SFI1: variants seen among roughly 807,000 people sequenced by gnomAD.
SFI1 encodes protein SFI1 homolog.
Under a neutral mutation model 207.5 loss-of-function variants are expected in SFI1, and 195 were observed. That is an observed-to-expected ratio of 0.94 (90% CI 0.84 to 1.06). The LOEUF (loss-of-function observed/expected upper bound fraction) is 1.06, where lower values mean the gene tolerates loss of function less well. SFI1 is among the 50% of genes least tolerant of loss of function. The probability of loss-of-function intolerance (pLI) is 0.00; values close to 1 mark genes in which losing one functional copy is unlikely to be tolerated. For missense variants in SFI1, 1,634 were observed against 1,588.0 expected (o/e 1.03, Z -0.49); for synonymous variants, 630 against 598.9 (o/e 1.05, Z -0.76).
intron 6 of SFI1, 39 bp from the exon 7 acceptor site, chr22:31,556,903 C>T: frequency 1.4e-6 from 2 of 1,406,428 alleles, no homozygotes; most frequent in South Asian, 2.5e-5. Flanking sequence ...TAATCCATCT[C>T]TCCCCATGCC....
chr22:31,566,090 G>T (rs12170867), intron 8 of SFI1, among the ~76,000 whole-genome samples: 1 of 151,392 alleles, frequency 6.6e-6, no homozygotes, highest in Non-Finnish European at 1.5e-5. Flanking sequence ...TTAGAATTAC[G>T]AACAGTACTA....
intron 2 of SFI1, among the ~76,000 whole-genome samples, chr22:31,510,126 C>T (rs954479890): frequency 2.6e-5 from 4 of 151,458 alleles, no homozygotes; most frequent in African/African-American, 7.3e-5. Context: ...CGATAGTGCT[C>T]GGCCTATTAT....
intron 2 of SFI1, among the ~76,000 whole-genome samples, chr22:31,520,372 A>G (rs1380695728): frequency 6.6e-6 from 1 of 152,092 alleles, no homozygotes; most frequent in Non-Finnish European, 1.5e-5. Context: ...TTTTTTGAGC[A>G]GGATTATAAG....
chr22:31,608,345 T>C (rs1418621424), intron 22 of SFI1, among the ~76,000 whole-genome samples: 1 of 152,150 alleles, frequency 6.6e-6, no homozygotes, highest in African/African-American at 2.4e-5. Flanking sequence ...GACCCATTGC[T>C]CCAGTCTTTG....
At chr22:31,543,507 G>A (rs2059777911) in intron 4 of SFI1, among the ~76,000 whole-genome samples, 1 of 152,084 alleles carries the variant, frequency 6.6e-6, no homozygotes, top group South Asian at 2.1e-4. Flanking sequence ...TTGTAAGCTA[G>A]TTTTTAAAAA....
At chr22:31,531,034 A>G (rs2058467983) in intron 3 of SFI1, 24 bp from the exon 4 acceptor site, 2 of 1,597,098 alleles carry the variant, frequency 1.3e-6, no homozygotes, top group Non-Finnish European at 1.7e-6. Flanking sequence ...TAAAATATGT[A>G]TATGCTTTTT....
chr22:31,599,549 C>T (rs909831693), intron 15 of SFI1, among the ~76,000 whole-genome samples: 1 of 152,182 alleles, frequency 6.6e-6, no homozygotes, highest in African/African-American at 2.4e-5. Flanking sequence ...CCAGGATGGT[C>T]TCCATCTCTT....
At chr22:31,550,930 A>G (rs2060568348) in intron 6 of SFI1, among the ~76,000 whole-genome samples, 2 of 152,156 alleles carry the variant, frequency 1.3e-5, no homozygotes, top group Admixed American at 6.6e-5. Flanking sequence ...ACAACCTGTC[A>G]ACTCCCCTAC....
chr22:31,531,965 G>C (rs1188769548), intron 4 of SFI1, among the ~76,000 whole-genome samples: 3 of 152,026 alleles, frequency 2.0e-5, no homozygotes, highest in African/African-American at 7.2e-5. Flanking sequence ...GGAGGCTGAG[G>C]CAGGAGAACC....
chr22:31,599,284 T>G (rs1266492817), intron 15 of SFI1, among the ~76,000 whole-genome samples: 1 of 151,896 alleles, frequency 6.6e-6, no homozygotes, highest in Non-Finnish European at 1.5e-5. Context: ...AAGGTTTATT[T>G]TTTTCTGTGT....
intron 2 of SFI1, among the ~76,000 whole-genome samples, chr22:31,509,730 G>A (rs996898602): frequency 2.0e-5 from 3 of 152,100 alleles, no homozygotes; most frequent in Non-Finnish European, 2.9e-5. Flanking sequence ...GTTTTTATAC[G>A]TTGTTGGATT....
chr22:31,612,398 A>AAAAAAAAAAAAT (rs1556369798), intron 24 of SFI1: 1 of 60,194 alleles, frequency 1.7e-5, no homozygotes, highest in African/African-American at 6.7e-5. Flanking sequence ...AAAAAAAAAA[A>AAAAAAAAAAAAT]ATATATATAT....
chr22:31,590,216 T>C (rs2065665436), intron 15 of SFI1, among the ~76,000 whole-genome samples: 1 of 151,318 alleles, frequency 6.6e-6, no homozygotes, highest in Admixed American at 6.6e-5. Context: ...AATGCTTGTC[T>C]CATCTGCAAA....
intron 1 of SFI1, among the ~76,000 whole-genome samples, chr22:31,507,988 A>G (rs1379416567): frequency 6.6e-6 from 1 of 152,168 alleles, no homozygotes; most frequent in Non-Finnish European, 1.5e-5. Flanking sequence ...AGGCAGGAGA[A>G]TCGCTTGAGC....
chr22:31,592,966 C>A (rs1207076430), intron 15 of SFI1, among the ~76,000 whole-genome samples: 3 of 106,610 alleles, frequency 2.8e-5, no homozygotes, highest in East Asian at 3.1e-4. Flanking sequence ...CCGGACGGGG[C>A]GGCTGGCCGG....
At chr22:31,599,419 C>T (rs111337149) in intron 15 of SFI1, among the ~76,000 whole-genome samples, 1 of 152,062 alleles carries the variant, frequency 6.6e-6, no homozygotes, top group African/African-American at 2.4e-5. Context: ...CTTCGCCTCC[C>T]AGGTTTAAGC....
intron 2 of SFI1, among the ~76,000 whole-genome samples, chr22:31,522,843 A>G (rs981675820): frequency 1.6e-4 from 24 of 152,020 alleles, no homozygotes; most frequent in African/African-American, 4.8e-4. Flanking sequence ...TTTAGTAGAG[A>G]CGGGGTTTCA....
rs1254338357 is a variant in SFI1, at chr22:31,557,134, C to T, written c.662+75C>T. On this transcript the variant is annotated intron_variant, in intron 7 of 32. Coordinates refer to ENST00000400288, the MANE Select transcript of SFI1 (RefSeq NM_001007467.3). The stretch of plus-strand genomic sequence containing the variant: ...TCAGCTTTATGGTGCTGGAAAACAG[C>T]ATAAAACCTCACCTTAAAACAATGG... The T allele has an allele frequency of 4.7e-6, 4 of 850,088 alleles. No homozygotes were observed. The East Asian group carries it at 7.9e-5, about 17-fold the overall frequency. The allele number at this position is 850,088 out of a possible 1,614,324, so 52.7% of individuals were successfully genotyped here.
intron 7 of SFI1, among the ~76,000 whole-genome samples, chr22:31,559,054 G>A (rs1191783707): frequency 2.0e-5 from 3 of 151,366 alleles, no homozygotes; most frequent in Non-Finnish European, 4.4e-5. Flanking sequence ...TGATCCACCC[G>A]CCTCGGCTTC....
Sources: gnomAD v4.1 joint callset for allele counts (sites outside exome capture counted in the v4.1 genomes callset) on GRCh38, gnomAD v4.1.1 for gene constraint, MANE v1.5 for transcripts, NCBI Gene and HGNC (gene_info 2026-07-23, HGNC 2026-07-21) for gene names.